Variants in CNTNAP5 observed in about 807,000 individuals in gnomAD.
CNTNAP5 encodes contactin associated protein family member 5, also known as contactin-associated protein-like 5.
A neutral mutation model predicts 150.2 loss-of-function variants in CNTNAP5; 72 were observed. The ratio of observed to expected loss-of-function variants is 0.48; its 90% confidence interval spans 0.40 to 0.58. The LOEUF (loss-of-function observed/expected upper bound fraction) is 0.58, where lower values mean the gene tolerates loss of function less well. Among genes scored for constraint, CNTNAP5 ranks in the 20% least tolerant of loss-of-function variants. The pLI, the probability that CNTNAP5 is intolerant of heterozygous loss-of-function variation, is 0.00. For synonymous variants in CNTNAP5, 672 were observed against 619.8 expected, an observed-to-expected ratio of 1.08 and a Z score of -1.25; for missense variants, 1,636 against 1,626.2, an observed-to-expected ratio of 1.01 and a Z score of -0.10.
intron 11 of CNTNAP5, among the ~76,000 whole-genome samples, chr2:124,578,799 A>G (rs946777199): frequency 1.3e-5 from 2 of 152,050 alleles, no homozygotes; most frequent in African/African-American, 2.4e-5. Context: ...ATAAATAAAT[A>G]AATAAATAAA....
intron 7 of CNTNAP5, among the ~76,000 whole-genome samples, chr2:124,488,123 A>C (rs1435600650): frequency 3.3e-5 from 5 of 152,332 alleles, no homozygotes; most frequent in Non-Finnish European, 7.3e-5. Context: ...TTGTGTAAAC[A>C]CCGAAAATCA....
intron 8 of CNTNAP5, among the ~76,000 whole-genome samples, chr2:124,515,975 T>C (rs1694705953): frequency 6.6e-6 from 1 of 152,110 alleles, no homozygotes; most frequent in African/African-American, 2.4e-5. Flanking sequence ...TAGTTGGATC[T>C]AGCAAGGTGT....
intron 21 of CNTNAP5, among the ~76,000 whole-genome samples, chr2:124,877,197 G>A (rs916126222): frequency 2.6e-5 from 4 of 152,144 alleles, no homozygotes; most frequent in Non-Finnish European, 4.4e-5. Context: ...CAGTGCCAGC[G>A]TGCTCCATGC....
At position 124,696,238 on chromosome 2, in the gene CNTNAP5, C is replaced by T. The variant is rs139863380; in HGVS notation, c.2077+48280C>T. On this transcript the variant is annotated intron_variant, in intron 13 of 23. Transcript: ENST00000682447. ...TGGAATATTTCAGAGCATATGTTTTCCCCCAGTAGCAAGAATTCTTTTGCT... is the reference window on the plus strand; with the variant it reads ...TGGAATATTTCAGAGCATATGTTTTTCCCCAGTAGCAAGAATTCTTTTGCT... Among the ~76,000 whole-genome samples the T allele has an allele frequency of 1.5e-3, 229 of 152,188 alleles. 1 individual carries two copies. Among genetic ancestry groups the T allele is most frequent in the African/African-American group, 5.4e-3 (225 of 41,540 alleles).
chr2:124,816,477 T>TTTTC (rs1340536308), intron 19 of CNTNAP5, among the ~76,000 whole-genome samples: 9 of 146,386 alleles, frequency 6.1e-5, no homozygotes, highest in African/African-American at 2.3e-4. Context: ...AGCTTACTTT[T>TTTTC]TTTTTTTTTT....
intron 1 of CNTNAP5, among the ~76,000 whole-genome samples, chr2:124,162,540 A>G (rs1684707859): frequency 6.6e-6 from 1 of 152,144 alleles, no homozygotes; most frequent in South Asian, 2.1e-4. Context: ...TAAAACCCTT[A>G]TCATTGATTT....
intron 3 of CNTNAP5, among the ~76,000 whole-genome samples, chr2:124,408,859 A>G (rs1691668729): frequency 6.6e-6 from 1 of 152,208 alleles, no homozygotes; most frequent in Admixed American, 6.5e-5. Context: ...GCAGTTCCTC[A>G]CCAGCAACGG....
At chr2:124,858,865 A>T (rs928567179) in intron 19 of CNTNAP5, among the ~76,000 whole-genome samples, 5 of 152,144 alleles carry the variant, frequency 3.3e-5, no homozygotes, top group African/African-American at 7.2e-5. Flanking sequence ...ATGAAGAAAG[A>T]TGAAACTGGA....
chr2:124,445,545 C>T (rs2104805244), intron 5 of CNTNAP5, among the ~76,000 whole-genome samples: 1 of 152,298 alleles, frequency 6.6e-6, no homozygotes, highest in East Asian at 1.9e-4. Context: ...AATTCATCAG[C>T]TCTACTTTTC....
At chr2:124,860,682 T>G (rs888307196) in intron 19 of CNTNAP5, among the ~76,000 whole-genome samples, 7 of 152,046 alleles carry the variant, frequency 4.6e-5, no homozygotes, top group African/African-American at 1.7e-4. Context: ...CCCAAGGATT[T>G]TATTGATTTG....
chr2:124,421,898 T>C (rs1692112010), intron 4 of CNTNAP5, among the ~76,000 whole-genome samples: 1 of 152,170 alleles, frequency 6.6e-6, no homozygotes, highest in South Asian at 2.1e-4. Context: ...TATATGCCCA[T>C]GGATATGTGA....
chr2:124,307,675 A>G (rs1688725712), intron 3 of CNTNAP5, among the ~76,000 whole-genome samples: 1 of 152,188 alleles, frequency 6.6e-6, no homozygotes, highest in South Asian at 2.1e-4. Context: ...TTGGGGGCTG[A>G]AATGCAAACT....
chr2:124,136,826 G>A (rs1246965735), intron 1 of CNTNAP5, among the ~76,000 whole-genome samples: 1 of 152,140 alleles, frequency 6.6e-6, no homozygotes, highest in African/African-American at 2.4e-5. Flanking sequence ...CCTCCTCTTG[G>A]AAGTGGCCCT....
chr2:124,214,634 A>T (rs1220752775), intron 1 of CNTNAP5, among the ~76,000 whole-genome samples: 1 of 152,250 alleles, frequency 6.6e-6, no homozygotes, highest in East Asian at 1.9e-4. Flanking sequence ...TTACTAGTGC[A>T]GGCAGAAGGC....
intron 1 of CNTNAP5, among the ~76,000 whole-genome samples, chr2:124,121,146 A>ACACG (rs1683551139): frequency 6.6e-6 from 1 of 151,810 alleles, no homozygotes; most frequent in Non-Finnish European, 1.5e-5. Flanking sequence ...ATACACACAC[A>ACACG]CACACACACA....
At chr2:124,457,256 C>G (rs1346352368) in intron 6 of CNTNAP5, among the ~76,000 whole-genome samples, 1 of 151,834 alleles carries the variant, frequency 6.6e-6, no homozygotes, top group Non-Finnish European at 1.5e-5. Context: ...ACTTCATGAC[C>G]AAGAACCCAA....
chr2:124,186,705 C>A (rs1685341281), intron 1 of CNTNAP5, among the ~76,000 whole-genome samples: 1 of 152,136 alleles, frequency 6.6e-6, no homozygotes, highest in Non-Finnish European at 1.5e-5. Flanking sequence ...TCCCTAGAGC[C>A]TCTTACATAT....
rs1678395199 is a variant in CNTNAP5 at position 124,900,531 on chromosome 2, G to T, written c.3437-2351G>T. Among the ~76,000 whole-genome samples, 4 of 151,376 alleles carry T rather than the reference G, an allele frequency of 2.6e-5. No individual in the cohort carries two copies. In the South Asian group the frequency reaches 8.3e-4, roughly 31 times the overall value. On this transcript the variant is annotated intron_variant, in intron 21 of 23. Transcript: ENST00000682447. ...AGAAGCACACTTCCCTAGAGATAGG[G>T]CTTTATTTAAAACATCTCTTCATTC...
intron 19 of CNTNAP5, among the ~76,000 whole-genome samples, chr2:124,809,944 G>T (rs557264285): frequency 7.5e-4 from 114 of 152,240 alleles, no homozygotes; most frequent in Non-Finnish European, 6.2e-4. Context: ...CCTAAAGATA[G>T]ATGAATCAGG....
Sources: gnomAD v4.1 joint callset for allele counts (sites outside exome capture counted in the v4.1 genomes callset) on GRCh38, gnomAD v4.1.1 for gene constraint, MANE v1.5 for transcripts, NCBI Gene and HGNC (gene_info 2026-07-23, HGNC 2026-07-21) for gene names.